Variants in APIP observed in about 807,000 individuals in gnomAD.
The protein encoded by APIP is methylthioribulose-1-phosphate dehydratase.
Under a neutral mutation model 32.0 loss-of-function variants are expected in APIP, and 32 were observed. The observed-to-expected ratio is 1.00, with a 90% CI of 0.76 to 1.34. The LOEUF (loss-of-function observed/expected upper bound fraction) is 1.34, where lower values mean the gene tolerates loss of function less well. APIP is among the 40% of genes most tolerant of loss of function. The pLI is 0.00. For missense variants in APIP, 247 were observed against 298.6 expected (o/e 0.83, Z 1.27); for synonymous variants, 92 against 94.8 (o/e 0.97, Z 0.17).
At chr11:34,885,721 G>A (rs1272603000) in intron 5 of APIP, among the ~76,000 whole-genome samples, 2 of 152,140 alleles carry the variant, frequency 1.3e-5, no homozygotes, top group African/African-American at 2.4e-5. Flanking sequence ...AAACCTTTTG[G>A]TGGCAGGCGC....
At chr11:34,890,741 T>C (rs986587982) in intron 2 of APIP, 189 bp from the exon 3 acceptor site, 9 of 488,594 alleles carry the variant, frequency 1.8e-5, no homozygotes, top group Non-Finnish European at 2.9e-5. Context: ...GCTGGTGGCA[T>C]TGTAGAATAT....
At chr11:34,882,997 A>G (rs1291026405) in intron 6 of APIP, among the ~76,000 whole-genome samples, 181 bp from the exon 7 acceptor site, 1 of 152,224 alleles carries the variant, frequency 6.6e-6, no homozygotes, top group Non-Finnish European at 1.5e-5. Context: ...AAGGAATCAT[A>G]TTAAGTCATG....
intron 1 of APIP, among the ~76,000 whole-genome samples, chr11:34,901,091 G>A (rs368282625): frequency 3.9e-5 from 6 of 151,994 alleles, no homozygotes; most frequent in Admixed American, 1.3e-4. Context: ...AAGCCACTTC[G>A]GTCTTTTACA....
At chr11:34,890,656 C>A in intron 2 of APIP, 104 bp from the exon 3 acceptor site, 1 of 1,177,590 alleles carries the variant, frequency 8.5e-7, no homozygotes, top group Admixed American at 2.2e-5. Context: ...TCAAGCAATA[C>A]AGCCAGTTGC....
intron 3 of APIP, among the ~76,000 whole-genome samples, chr11:34,889,773 A>G (rs1199142012): frequency 2.0e-5 from 3 of 152,070 alleles, no homozygotes; most frequent in South Asian, 4.1e-4. Flanking sequence ...ACTTAGGATA[A>G]TGGTTTCCAG....
At position 34,888,765 on chromosome 11, in the gene APIP, A is replaced by G. The variant is rs372208635; in HGVS notation, c.312T>C (p.Ala104=). Residue 104 remains alanine (A), a synonymous_variant, in exon 4 of 7, where the codon GCT becomes GCC. Coordinates refer to ENST00000395787, the MANE Select transcript of APIP (RefSeq NM_015957.4). The stretch of plus-strand genomic sequence containing the variant: ...TTTTCTGCATACCTCTCATTGTGTA[A>G]GCATTCATGAAAAGAGGAGTACACT... ...KSQCTPLFMN[A]YTMRGAGAVI... The G allele has an allele frequency of 7.2e-6, 11 of 1,529,114 alleles. No individual in the cohort carries two copies. In the African/African-American group the frequency reaches 1.6e-4, roughly 22 times the overall value. 94.7% of individuals were successfully genotyped at this position (1,529,114 alleles called of 1,614,324 possible). A position where few individuals can be genotyped will look rare whatever the true frequency, so the allele number is the denominator to read the frequency against.
At chr11:34,889,215 AT>A (rs1299820606) in intron 3 of APIP, among the ~76,000 whole-genome samples, 4 of 152,116 alleles carry the variant, frequency 2.6e-5, no homozygotes, top group African/African-American at 9.7e-5. Flanking sequence ...TTATGTAATG[AT>A]GTTACTGCTG....
chr11:34,888,721 A>G (rs1463723769), intron 4 of APIP, 31 bp downstream of exon 4: 4 of 1,446,678 alleles, frequency 2.8e-6, no homozygotes, highest in Non-Finnish European at 3.7e-6. Flanking sequence ...CTCTGCAAAT[A>G]TTCTTTATGT....
chr11:34,888,886 A>G lies in APIP; in HGVS notation c.208-17T>C, dbSNP rs1977421. The G allele has an allele frequency of 0.67, 929,674 of 1,389,030 alleles. 313,115 individuals carry two copies. The highest frequency in any genetic ancestry group is 0.72 in the East Asian group (26,020 of 36,112). The allele number at this position is 1,389,030 out of a possible 1,614,324, so 86.0% of individuals were successfully genotyped here. Reference sequence around the variant, plus strand: ...GTCTTCAGGCTATTTATAGAGGGGAAAAAAAGAAAAAAAGAAGGCTTGTAA... The same window carrying G: ...GTCTTCAGGCTATTTATAGAGGGGAGAAAAAGAAAAAAAGAAGGCTTGTAA... On this transcript the variant is annotated splice_polypyrimidine_tract_variant and intron_variant, in intron 3 of 6. Transcript: ENST00000395787.
chr11:34,903,054 C>T (rs1445420460), intron 1 of APIP, among the ~76,000 whole-genome samples: 1 of 152,212 alleles, frequency 6.6e-6, no homozygotes, highest in Non-Finnish European at 1.5e-5. Context: ...CTGCACTCTA[C>T]AGGGGAGCCT....
chr11:34,911,431 T>C (rs1853549269), intron 1 of APIP, among the ~76,000 whole-genome samples: 1 of 152,174 alleles, frequency 6.6e-6, no homozygotes, highest in South Asian at 2.1e-4. Context: ...CCTACCACAG[T>C]GCTTTGCTCA....
intron 1 of APIP, chr11:34,896,945 TA>T: frequency 9.6e-6 from 5 of 523,106 alleles, no homozygotes; most frequent in Non-Finnish European, 9.6e-6. Flanking sequence ...CACTGAGGTC[TA>T]CCTTCAAGGT....
At chr11:34,891,352 A>G (rs1047020594) in intron 2 of APIP, among the ~76,000 whole-genome samples, 1 of 152,128 alleles carries the variant, frequency 6.6e-6, no homozygotes, top group Non-Finnish European at 1.5e-5. Context: ...TGGCTCACAT[A>G]TCAGGTTTTT....
chr11:34,914,976 C>T (rs928576755), intron 1 of APIP, among the ~76,000 whole-genome samples: 2 of 135,098 alleles, frequency 1.5e-5, no homozygotes, highest in Admixed American at 8.6e-5. Flanking sequence ...TGCACTCCAG[C>T]CTGGGCAACA....
At chr11:34,885,187 T>G (rs1324251964) in intron 5 of APIP, among the ~76,000 whole-genome samples, 1 of 148,192 alleles carries the variant, frequency 6.7e-6, no homozygotes, top group African/African-American at 2.5e-5. Flanking sequence ...TATATGTATA[T>G]ATATACCTAT....
At chr11:34,916,152 C>CAG in intron 1 of APIP, 76 bp downstream of exon 1, 1 of 1,547,774 alleles carries the variant, frequency 6.5e-7, no homozygotes, top group African/African-American at 1.4e-5. Flanking sequence ...CGCTACCCTG[C>CAG]GCCCAGCTCC....
chr11:34,890,391 A>T, intron 3 of APIP, 113 bp downstream of exon 3: 1 of 949,742 alleles, frequency 1.1e-6, no homozygotes. Context: ...TTTGCTGATT[A>T]GTTATTCAAA....
At chr11:34,885,439 T>G (rs1590701484) in intron 5 of APIP, among the ~76,000 whole-genome samples, 1 of 151,686 alleles carries the variant, frequency 6.6e-6, no homozygotes, top group African/African-American at 2.4e-5. Flanking sequence ...GGGGCGAACG[T>G]GGGAATAAAA....
chr11:34,898,675 C>T (rs1853320404), intron 1 of APIP, among the ~76,000 whole-genome samples: 1 of 151,832 alleles, frequency 6.6e-6, no homozygotes, highest in Admixed American at 6.6e-5. Context: ...CCCTCCTCCC[C>T]GCTCCCACCC....
Sources: gnomAD v4.1 joint callset for allele counts (sites outside exome capture counted in the v4.1 genomes callset) on GRCh38, gnomAD v4.1.1 for gene constraint, MANE v1.5 for transcripts, NCBI Gene and HGNC (gene_info 2026-07-23, HGNC 2026-07-21) for gene names.